SLC24A2: variants seen among roughly 807,000 people sequenced by gnomAD.
SLC24A2 encodes sodium/potassium/calcium exchanger 2.
In SLC24A2, 36 loss-of-function variants were observed where a neutral mutation model predicts 62.0. The ratio of observed to expected loss-of-function variants is 0.58; its 90% CI spans 0.44 to 0.77. The LOEUF is 0.77. Ranked by LOEUF, SLC24A2 falls within the 30% of genes least tolerant of loss-of-function variation. SLC24A2 has a pLI of 0.00. For synonymous variants in SLC24A2, 358 were observed against 294.0 expected (o/e 1.22, Z -2.23); for missense variants, 846 against 817.9 (o/e 1.03, Z -0.42).
the SLC24A2 span, among the ~76,000 whole-genome samples, chr9:20,104,368 G>A: frequency 1.8e-3 from 267 of 152,142 alleles, 2 homozygotes; most frequent in African/African-American, 6.0e-3. Context: ...GATACTCCTC[G>A]AGAAGAGCAA....
chr9:20,086,327 G>T, the SLC24A2 span, among the ~76,000 whole-genome samples: 4,946 of 152,112 alleles, frequency 0.033, 123 homozygotes, highest in Non-Finnish European at 0.049. Context: ...ACCTGCTCAG[G>T]GCTGCTCACC....
At chr9:20,014,590 T>C in the SLC24A2 span, among the ~76,000 whole-genome samples, 13 of 151,904 alleles carry the variant, frequency 8.6e-5, no homozygotes, top group Non-Finnish European at 5.9e-5. Flanking sequence ...CACCATGGAT[T>C]AATTTGGCAA....
the SLC24A2 span, among the ~76,000 whole-genome samples, chr9:19,834,177 C>T: frequency 6.6e-6 from 1 of 152,172 alleles, no homozygotes; most frequent in Non-Finnish European, 1.5e-5. Context: ...GCCTCTCCTC[C>T]TCCAAAGGAA....
chr9:19,567,580 C>A (rs561356798), intron 7 of SLC24A2, among the ~76,000 whole-genome samples: 254 of 146,120 alleles, frequency 1.7e-3, no homozygotes, highest in African/African-American at 6.2e-3. Context: ...GGAATATGTT[C>A]TTATAATTTT....
chr9:19,717,562 G>A (rs1265138977), intron 2 of SLC24A2, among the ~76,000 whole-genome samples: 1 of 152,084 alleles, frequency 6.6e-6, no homozygotes, highest in African/African-American at 2.4e-5. Context: ...AAATCCTATT[G>A]ATTTGTCTTT....
chr9:19,508,963 G>T lies in SLC24A2; in HGVS notation c.*7190C>A, dbSNP rs1832608289. The T allele has an allele frequency of 6.6e-6, 1 of 152,138 alleles. No individual in the cohort carries two copies. Among genetic ancestry groups the T allele is most frequent in the Non-Finnish European group, 1.5e-5 (1 of 68,036 alleles). The allele number at this position is 152,138 out of a possible 1,614,324, so 9.4% of individuals were successfully genotyped here. On this transcript the variant is annotated 3_prime_UTR_variant, in exon 11 of 11. Transcript: ENST00000341998. Reference sequence around the variant, plus strand: ...CCACCAAAGCATTATGAAATCTGCTGCTTTACATGTCCTCCCAAGGAAGGT... The same window carrying T: ...CCACCAAAGCATTATGAAATCTGCTTCTTTACATGTCCTCCCAAGGAAGGT...
intron 2 of SLC24A2, among the ~76,000 whole-genome samples, chr9:19,710,355 A>T (rs1820678087): frequency 6.6e-6 from 1 of 152,114 alleles, no homozygotes; most frequent in Admixed American, 6.5e-5. Context: ...GTGCCATGAC[A>T]AGGAGAGGGC....
At chr9:19,666,125 G>A (rs1819245582) in intron 2 of SLC24A2, among the ~76,000 whole-genome samples, 1 of 151,980 alleles carries the variant, frequency 6.6e-6, no homozygotes, top group African/African-American at 2.4e-5. Flanking sequence ...TTTATTATTG[G>A]CCAGGCACAG....
intron 8 of SLC24A2, among the ~76,000 whole-genome samples, chr9:19,537,153 G>T (rs1396573233): frequency 6.7e-6 from 1 of 150,184 alleles, no homozygotes; most frequent in African/African-American, 2.5e-5. Context: ...GTTGTAGGTT[G>T]CCTGTTCACT....
chr9:19,981,498 AG>A, the SLC24A2 span, among the ~76,000 whole-genome samples: 2 of 152,192 alleles, frequency 1.3e-5, no homozygotes, highest in East Asian at 1.9e-4. Context: ...CATTTTTGGT[AG>A]TTTTTTTTAA....
At chr9:19,556,695 G>T (rs1228019627) in intron 7 of SLC24A2, among the ~76,000 whole-genome samples, 1 of 152,182 alleles carries the variant, frequency 6.6e-6, no homozygotes, top group African/African-American at 2.4e-5. Context: ...AGCCTGTTCA[G>T]TGTGGAATGA....
At chr9:19,827,648 C>T in the SLC24A2 span, among the ~76,000 whole-genome samples, 2 of 152,038 alleles carry the variant, frequency 1.3e-5, no homozygotes, top group Non-Finnish European at 2.9e-5. Flanking sequence ...GTTCTACCTC[C>T]CTCCCTCATT....
At chr9:19,774,114 T>C (rs1822771202) in intron 2 of SLC24A2, among the ~76,000 whole-genome samples, 1 of 151,970 alleles carries the variant, frequency 6.6e-6, no homozygotes, top group African/African-American at 2.4e-5. Context: ...CAGGGAAAGA[T>C]AGGACTGAAG....
chr9:19,752,722 A>G (rs914119870), intron 2 of SLC24A2, among the ~76,000 whole-genome samples: 1 of 152,162 alleles, frequency 6.6e-6, no homozygotes, highest in Non-Finnish European at 1.5e-5. Context: ...GAGAGGGAGA[A>G]TGAATCTATG....
the SLC24A2 span, among the ~76,000 whole-genome samples, chr9:20,038,700 C>G: frequency 2.0e-5 from 3 of 150,834 alleles, no homozygotes; most frequent in African/African-American, 7.3e-5. Context: ...ACAGTCTCCT[C>G]ATTTGCATTT....
At chr9:20,232,520 C>T in the SLC24A2 span, among the ~76,000 whole-genome samples, 3,315 of 152,210 alleles carry the variant, frequency 0.022, 131 homozygotes, top group African/African-American at 0.075. Flanking sequence ...AGTTTATTTG[C>T]GTAGAGGTGT....
chr9:20,005,168 CA>C, the SLC24A2 span, among the ~76,000 whole-genome samples: 1,242 of 152,170 alleles, frequency 8.2e-3, 11 homozygotes, highest in Non-Finnish European at 0.014. Flanking sequence ...ATAATCACCT[CA>C]AAAATTAATT....
At chr9:19,681,742 G>A (rs10118591) in intron 2 of SLC24A2, among the ~76,000 whole-genome samples, 149,594 of 152,280 alleles carry the variant, frequency 0.98, 73,489 homozygotes, top group East Asian at 1. Context: ...GAGCCCACTA[G>A]TAGAACATTA....
At chr9:20,263,048 G>C in the SLC24A2 span, among the ~76,000 whole-genome samples, 7 of 152,332 alleles carry the variant, frequency 4.6e-5, no homozygotes, top group African/African-American at 1.7e-4. Flanking sequence ...GTAAATTCAT[G>C]AATTGTCCTC....
Sources: allele counts gnomAD v4.1 joint callset (sites outside exome capture counted in the v4.1 genomes callset), GRCh38; gene constraint gnomAD v4.1.1; transcripts MANE v1.5; gene names NCBI Gene and HGNC (gene_info 2026-07-23, HGNC 2026-07-21).